TMTC2: variants seen among roughly 807,000 people sequenced by gnomAD.
TMTC2 encodes protein O-mannosyl-transferase TMTC2.
TMTC2 carries 43 observed loss-of-function variants against 82.4 expected under a neutral mutation model. That is an observed-to-expected ratio of 0.52 (90% CI 0.41 to 0.67). The LOEUF (loss-of-function observed/expected upper bound fraction) is 0.67. Ranked by LOEUF, TMTC2 falls within the 30% of genes least tolerant of loss-of-function variation. The pLI is 0.00. For missense variants in TMTC2, 919 were observed against 1,012.4 expected (o/e 0.91, Z 1.25); for synonymous variants, 408 against 381.9 (o/e 1.07, Z -0.80).
At chr12:82,963,933 T>C (rs1878070552) in intron 4 of TMTC2, among the ~76,000 whole-genome samples, 1 of 149,360 alleles carries the variant, frequency 6.7e-6, no homozygotes, top group South Asian at 2.1e-4. Context: ...GTTTTTAATA[T>C]ATGCTTTTGA....
chr12:82,786,652 A>G lies in TMTC2; in HGVS notation c.84-70358A>G, dbSNP rs368478751. 5.1e-4 allele frequency among the ~76,000 whole-genome samples: 77 copies of G among 152,212 alleles called. 3 individuals are homozygous for G. The East Asian group carries it at 9.3e-3, about 18-fold the overall frequency. ...TACTTTTTAGACTCTTATTACTGGG[A>G]ATTCCTTGATTAGAACACTGCTTGG... On this transcript the variant is annotated intron_variant, in intron 1 of 11. Coordinates refer to ENST00000321196, the MANE Select transcript of TMTC2 (RefSeq NM_152588.3).
chr12:83,107,791 A>G (rs1884462739), intron 11 of TMTC2, among the ~76,000 whole-genome samples: 1 of 151,964 alleles, frequency 6.6e-6, no homozygotes, highest in Admixed American at 6.5e-5. Flanking sequence ...CCCACAAGAG[A>G]TTATCACTAT....
intron 1 of TMTC2, among the ~76,000 whole-genome samples, chr12:82,822,141 T>G (rs77534229): frequency 6.6e-6 from 1 of 152,082 alleles, no homozygotes. Context: ...CAGTAAAAGA[T>G]GAATGGTTGC....
intron 11 of TMTC2, among the ~76,000 whole-genome samples, chr12:83,130,703 G>A (rs1340317592): frequency 1.3e-5 from 2 of 152,126 alleles, no homozygotes; most frequent in African/African-American, 4.8e-5. Context: ...CAAGCAAAAT[G>A]AGATAAGGAA....
intron 8 of TMTC2, among the ~76,000 whole-genome samples, chr12:83,027,264 A>G (rs1881222584): frequency 6.6e-6 from 1 of 152,190 alleles, no homozygotes; most frequent in African/African-American, 2.4e-5. Context: ...GAACAGTAAC[A>G]GTTGAAATAG....
rs558585816 is a variant in TMTC2 at position 82,781,507 on chromosome 12, G to A, written c.84-75503G>A. 4.7e-5 allele frequency among the ~76,000 whole-genome samples: 7 copies of A among 149,696 alleles called. No individual in the cohort carries two copies. The East Asian group carries it at 1.2e-3, about 26-fold the overall frequency. ...TACTGGGATGTTGTGGGAGAAAACC[G>A]CTGTCCATCTTAACACAGATGCTAA... On this transcript the variant is annotated intron_variant, in intron 1 of 11. Transcript: ENST00000321196.
chr12:82,864,696 C>A (rs1487624583), intron 2 of TMTC2, among the ~76,000 whole-genome samples: 7 of 151,028 alleles, frequency 4.6e-5, no homozygotes, highest in Admixed American at 2.6e-4. Flanking sequence ...AGAGATGGGG[C>A]TTCACCATGT....
intron 4 of TMTC2, among the ~76,000 whole-genome samples, chr12:82,946,122 T>C (rs1876978058): frequency 6.6e-6 from 1 of 152,178 alleles, no homozygotes; most frequent in Non-Finnish European, 1.5e-5. Flanking sequence ...TCCCCTATAC[T>C]TTATTCTTTA....
intron 1 of TMTC2, among the ~76,000 whole-genome samples, chr12:82,797,407 G>T (rs1878774395): frequency 6.6e-6 from 1 of 152,096 alleles, no homozygotes; most frequent in African/African-American, 2.4e-5. Context: ...CAGAGAAATA[G>T]ACTTCCTTGT....
intron 1 of TMTC2, among the ~76,000 whole-genome samples, chr12:82,855,911 C>G (rs1456161464): frequency 6.6e-6 from 1 of 152,142 alleles, no homozygotes; most frequent in Non-Finnish European, 1.5e-5. Context: ...GTGCAGACAT[C>G]TTTTTACATG....
intron 1 of TMTC2, among the ~76,000 whole-genome samples, chr12:82,814,509 T>A (rs1868577821): frequency 6.6e-6 from 1 of 152,182 alleles, no homozygotes; most frequent in South Asian, 2.1e-4. Context: ...TGTTAGTTTT[T>A]GAGCAAGAAT....
At chr12:82,798,670 TGTG>T (rs1046597397) in intron 1 of TMTC2, among the ~76,000 whole-genome samples, 1 of 146,050 alleles carries the variant, frequency 6.8e-6, no homozygotes, top group African/African-American at 2.5e-5. Context: ...AGCTGGGCGT[TGTG>T]GTGGGAGCCT....
chr12:82,791,896 GCT>G lies in TMTC2; in HGVS notation c.84-65113_84-65112del, dbSNP rs558068877. On this transcript the variant is annotated intron_variant, in intron 1 of 11. Coordinates refer to ENST00000321196, the MANE Select transcript of TMTC2 (RefSeq NM_152588.3). ...CTTTACCTCCACAGCCACTGCTTAT[GCT>G]ATATCTTCATTGCTCTCCTACCCCA... is the stretch of plus-strand genomic sequence containing the variant. 2.7e-3 allele frequency among the ~76,000 whole-genome samples: 404 copies of G among 152,196 alleles called. 4 individuals carry two copies. Among genetic ancestry groups the G allele is most frequent in the African/African-American group, 9.1e-3 (378 of 41,502 alleles).
intron 2 of TMTC2, among the ~76,000 whole-genome samples, chr12:82,862,153 G>A (rs1006910702): frequency 2.0e-5 from 3 of 152,082 alleles, no homozygotes; most frequent in Non-Finnish European, 2.9e-5. Context: ...AAAAAATAAG[G>A]GGGGAAAAGC....
chr12:83,096,044 CA>C (rs760958055), intron 11 of TMTC2, among the ~76,000 whole-genome samples: 6 of 152,214 alleles, frequency 3.9e-5, no homozygotes, highest in Non-Finnish European at 8.8e-5. Context: ...CCAATGCAAA[CA>C]GATTACTTGA....
At chr12:83,041,692 G>T (rs191438510) in intron 9 of TMTC2, among the ~76,000 whole-genome samples, 35 of 152,270 alleles carry the variant, frequency 2.3e-4, no homozygotes, top group African/African-American at 7.5e-4. Context: ...GAGGATGGAA[G>T]ATTATAGGTA....
intron 11 of TMTC2, among the ~76,000 whole-genome samples, chr12:83,070,438 T>C (rs181998700): frequency 6.6e-6 from 1 of 152,056 alleles, no homozygotes; most frequent in Admixed American, 6.6e-5. Flanking sequence ...TTTTATTATT[T>C]TTTTTTTTGC....
intron 3 of TMTC2, among the ~76,000 whole-genome samples, chr12:82,925,809 A>G (rs1783550871): frequency 6.6e-6 from 1 of 152,112 alleles, no homozygotes; most frequent in Admixed American, 6.5e-5. Context: ...TGAGACAAAA[A>G]AAATATTGAA....
At position 83,132,276 on chromosome 12, in the gene TMTC2, G is replaced by T; in HGVS notation, c.2398G>T (p.Ala800Ser). 6.2e-7 allele frequency: 1 copy of T among 1,613,932 alleles called. No individual in the cohort carries two copies. Among genetic ancestry groups the T allele is most frequent in the South Asian group, 1.1e-5 (1 of 91,048 alleles). ...CAATGGCAGACTCCAGAAGGCCGAG[G>T]CCAACTACCTGCGGGCCCTGCAGCT... The part of the protein sequence containing the change: ...HLNGRLQKAE[A>S]NYLRALQLKP... Residue 800 changes from alanine to serine, a missense_variant, in exon 12 of 12, where the codon GCC becomes TCC. Physicochemically the swap from Ala to Ser is moderately conservative, Grantham distance 99. Transcript: ENST00000321196.
Sources: allele counts gnomAD v4.1 joint callset (sites outside exome capture counted in the v4.1 genomes callset), GRCh38; gene constraint gnomAD v4.1.1; transcripts MANE v1.5; gene names NCBI Gene and HGNC (gene_info 2026-07-23, HGNC 2026-07-21).